The following DRG1 variants were observed in gnomAD, a reference collection of about 807,000 sequenced individuals.
DRG1 encodes the protein developmentally-regulated GTP-binding protein 1.
A neutral mutation model predicts 38.8 loss-of-function variants in DRG1; 19 were observed. The observed-to-expected ratio is 0.49, with a 90% CI of 0.34 to 0.72. The LOEUF is 0.72. Among genes scored for constraint, DRG1 ranks in the 30% least tolerant of loss-of-function variants. The probability of loss-of-function intolerance (pLI) is 0.01; values close to 1 mark genes in which losing one functional copy is unlikely to be tolerated. For synonymous variants in DRG1, 167 were observed against 157.5 expected (o/e 1.06, Z -0.45); for missense variants, 299 against 444.8 (o/e 0.67, Z 2.95).
At chr22:31,429,274 G>A (rs1046988010) in intron 8 of DRG1, among the ~76,000 whole-genome samples, 3 of 151,416 alleles carry the variant, frequency 2.0e-5, no homozygotes, top group East Asian at 2.0e-4. Context: ...GTGTGCCACC[G>A]TGCCCGGCTA....
intron 4 of DRG1, among the ~76,000 whole-genome samples, chr22:31,417,551 A>G (rs1191307746): frequency 1.3e-5 from 2 of 150,100 alleles, no homozygotes; most frequent in African/African-American, 4.9e-5. Context: ...ATGGTGATGC[A>G]TGCCTGTAGT....
chr22:31,399,829 T>C, intron 1 of DRG1, 104 bp downstream of exon 1: 1 of 1,530,320 alleles, frequency 6.5e-7, no homozygotes, highest in Non-Finnish European at 9.0e-7. Context: ...CGGGCCTAGA[T>C]TCCGCGACTT....
chr22:31,411,762 C>G (rs1310108947), intron 4 of DRG1, among the ~76,000 whole-genome samples: 1 of 151,656 alleles, frequency 6.6e-6, no homozygotes, highest in Non-Finnish European at 1.5e-5. Context: ...AGTGATCTGC[C>G]TGCCTCAGTC....
intron 5 of DRG1, among the ~76,000 whole-genome samples, chr22:31,421,611 T>C (rs1482245046): frequency 6.6e-6 from 1 of 151,438 alleles, no homozygotes; most frequent in Non-Finnish European, 1.5e-5. Context: ...TGCCTGTACA[T>C]CTATAATCCC....
intron 4 of DRG1, among the ~76,000 whole-genome samples, chr22:31,411,554 G>T (rs1156611314): frequency 4.3e-5 from 6 of 140,002 alleles, no homozygotes; most frequent in Non-Finnish European, 6.1e-5. Flanking sequence ...TTTTGGGACA[G>T]TGGCTCACTC....
chr22:31,415,015 GTC>G (rs570444669), intron 4 of DRG1, among the ~76,000 whole-genome samples: 15 of 152,098 alleles, frequency 9.9e-5, no homozygotes, highest in African/African-American at 3.6e-4. Flanking sequence ...GGGCTCGAGA[GTC>G]TCTCTCTTCT....
At chr22:31,413,951 C>G (rs1440195286) in intron 4 of DRG1, among the ~76,000 whole-genome samples, 1 of 151,986 alleles carries the variant, frequency 6.6e-6, no homozygotes, top group African/African-American at 2.4e-5. Flanking sequence ...CATATGACTT[C>G]CCTGTTGTCA....
chr22:31,433,848 CTG>C (rs1408157582), intron 8 of DRG1, 22 bp from the exon 9 acceptor site: 2 of 1,606,148 alleles, frequency 1.2e-6, no homozygotes, highest in Non-Finnish European at 1.7e-6. Context: ...TTTACACTGA[CTG>C]TTCTTTTTCC....
Position 31,399,632 on chromosome 22 carries a change from C to G in DRG1, c.-52C>G. 1.2e-6 allele frequency: 2 copies of G among 1,613,552 alleles called. No individual in the cohort carries two copies. Among genetic ancestry groups the G allele is most frequent in the Non-Finnish European group, 1.7e-6 (2 of 1,179,476 alleles). ...AGCGCCTGGTGGCGGTGGCAGTTTG[C>G]CCGCGGGTGTGTGAAGGGAGACAGT... On this transcript the variant is annotated 5_prime_UTR_variant, in exon 1 of 9. Coordinates refer to ENST00000331457, the MANE Select transcript of DRG1 (RefSeq NM_004147.4).
chr22:31,414,468 AAC>A (rs1346890932), intron 4 of DRG1, among the ~76,000 whole-genome samples: 3 of 152,136 alleles, frequency 2.0e-5, no homozygotes, highest in Non-Finnish European at 4.4e-5. Flanking sequence ...AAAATTAAAA[AAC>A]AAAAAAATTC....
intron 6 of DRG1, among the ~76,000 whole-genome samples, chr22:31,425,196 T>C (rs1274952703): frequency 6.6e-6 from 1 of 152,106 alleles, no homozygotes; most frequent in Non-Finnish European, 1.5e-5. Flanking sequence ...CCCATTTCAG[T>C]TTTTTTCTTT....
rs1169698620 is a variant in DRG1, at chr22:31,434,281, C to A, written c.*310C>A. 1.1e-5 allele frequency: 3 copies of A among 265,836 alleles called. No individual in the cohort carries two copies. Among genetic ancestry groups the A allele is most frequent in the Non-Finnish European group, 2.2e-5 (3 of 138,178 alleles). The allele number at this position is 265,836 out of a possible 1,614,324, so 16.5% of individuals were successfully genotyped here. A position where few individuals can be genotyped will look rare whatever the true frequency, so the allele number is the denominator to read the frequency against. ...CTACAGAAGGGATCCTTGGGAACTT[C>A]ATCTTGAGTGTGAAATGGATAAAAA... On this transcript the variant is annotated 3_prime_UTR_variant, in exon 9 of 9. Transcript: ENST00000331457.
chr22:31,399,721 C>T lies in DRG1; in HGVS notation c.38C>T (p.Ala13Val). Residue 13 changes from alanine to valine, a missense_variant, in exon 1 of 9, where the codon GCA becomes GTA. By Grantham distance (64) the Ala-to-Val change is moderately conservative. Transcript: ENST00000331457. ...TTAGCTAAGATCGCGGAGATAGAAG[C>T]AGAGGTAATGGACGCAGCTGGCGGT... ...STLAKIAEIEAEMARTQKNKA... is the reference protein window; with the variant it reads ...STLAKIAEIEVEMARTQKNKA... 3.1e-6 allele frequency: 5 copies of T among 1,613,988 alleles called. No individual in the cohort carries two copies. The highest frequency in any genetic ancestry group is 4.2e-6 in the Non-Finnish European group (5 of 1,179,866).
At chr22:31,424,488 CTTTTTTTT>C (rs398036881) in intron 6 of DRG1, among the ~76,000 whole-genome samples, 26 of 71,408 alleles carry the variant, frequency 3.6e-4, no homozygotes, top group Admixed American at 1.9e-3. Context: ...GCTTTGGTTT[CTTTTTTTT>C]TTTTTTTTTT....
rs772553049 is a variant in DRG1, at chr22:31,433,888, C to T, written c.1021C>T (p.Leu341Phe). Reference sequence around the variant, plus strand: ...TCCATGCAGTGCTCTGGTCTGGGGTCTCTCTGTGAAACACAATCCTCAGAA... The same window carrying T: ...TCCATGCAGTGCTCTGGTCTGGGGTTTCTCTGTGAAACACAATCCTCAGAA... ...KEFKYALVWG[L>F]SVKHNPQKVG... is the part of the protein sequence containing the mutation. The change falls in exon 9 of 9, where the codon CTC becomes TTC. Residue 341 changes from leucine (L) to phenylalanine (F), a missense_variant. Leu to Phe is a conservative substitution (Grantham distance 22, BLOSUM62 0). This residue lies in a region of DRG1 where 198 missense variants were observed against 268.1 expected (regional missense o/e 0.74). Transcript: ENST00000331457. 1 of 1,614,050 alleles carries T rather than the reference C, an allele frequency of 6.2e-7. No homozygotes were observed. The highest frequency in any genetic ancestry group is 2.2e-5 in the East Asian group (1 of 44,874).
At chr22:31,428,527 A>T (rs556004244) in intron 8 of DRG1, among the ~76,000 whole-genome samples, 1 of 152,340 alleles carries the variant, frequency 6.6e-6, no homozygotes, top group South Asian at 2.1e-4. Context: ...GTTTCCTTTT[A>T]TCTCTCACCC....
chr22:31,434,210 T>G lies in DRG1; in HGVS notation c.*239T>G. On this transcript the variant is annotated 3_prime_UTR_variant, in exon 9 of 9. Coordinates refer to ENST00000331457, the MANE Select transcript of DRG1 (RefSeq NM_004147.4). ...CAGCTCATGTGTCATTGTCAGAATT[T>G]GTTTTGGGATGGGCTGAATGAGGAA... The G allele has an allele frequency of 2.1e-6, 1 of 472,012 alleles. No homozygotes were observed. Among genetic ancestry groups the G allele is most frequent in the Middle Eastern group, 6.2e-4 (1 of 1,606 alleles). 29.2% of individuals were successfully genotyped at this position (472,012 alleles called of 1,614,324 possible). A position where few individuals can be genotyped will look rare whatever the true frequency, so the allele number is the denominator to read the frequency against.
At chr22:31,403,839 C>T (rs1163042848) in intron 3 of DRG1, among the ~76,000 whole-genome samples, 1 of 152,118 alleles carries the variant, frequency 6.6e-6, no homozygotes, top group African/African-American at 2.4e-5. Context: ...TGCAGAGACA[C>T]ATGTCCCTTT....
intron 2 of DRG1, among the ~76,000 whole-genome samples, chr22:31,401,880 G>C (rs139088832): frequency 2.6e-5 from 4 of 151,442 alleles, no homozygotes; most frequent in South Asian, 2.1e-4. Context: ...GTGAAACCCC[G>C]TCTCTGCTAA....
Sources: allele counts gnomAD v4.1 joint callset (sites outside exome capture counted in the v4.1 genomes callset), GRCh38; gene constraint gnomAD v4.1.1; regional missense constraint gnomAD v4.1.1; transcripts MANE v1.5; gene names NCBI Gene and HGNC (gene_info 2026-07-23, HGNC 2026-07-21).